Variants in DGKB observed in about 807,000 individuals in gnomAD.
The protein encoded by DGKB is diacylglycerol kinase beta, also known as 90 kDa diacylglycerol kinase.
DGKB carries 67 observed loss-of-function variants against 114.3 expected under a neutral mutation model. The observed-to-expected ratio is 0.59, with a 90% CI of 0.48 to 0.72. The LOEUF is 0.72. DGKB is among the 30% of genes least tolerant of loss of function. DGKB has a pLI of 0.00. For synonymous variants in DGKB, 398 were observed against 323.1 expected, an observed-to-expected ratio of 1.23 and a Z score of -2.49; for missense variants, 907 against 975.2, an observed-to-expected ratio of 0.93 and a Z score of 0.93.
intron 25 of DGKB, among the ~76,000 whole-genome samples, chr7:14,174,084 C>G (rs149972171): frequency 2.0e-4 from 30 of 152,144 alleles, no homozygotes; most frequent in Admixed American, 5.9e-4. Flanking sequence ...GCTGGAGAAG[C>G]TTGAAAGGTA....
At chr7:14,665,824 A>C (rs1817925624) in intron 13 of DGKB, among the ~76,000 whole-genome samples, 1 of 152,182 alleles carries the variant, frequency 6.6e-6, no homozygotes, top group Admixed American at 6.6e-5. Flanking sequence ...GAATGAATGT[A>C]AAACTAAAAT....
At chr7:14,972,665 A>G (rs1787542637) in intron 1 of DGKB, among the ~76,000 whole-genome samples, 1 of 109,102 alleles carries the variant, frequency 9.2e-6, no homozygotes, top group African/African-American at 5.1e-5. Flanking sequence ...CCTCTCAAAG[A>G]TTGTTGAAAA....
intron 23 of DGKB, among the ~76,000 whole-genome samples, chr7:14,200,821 G>T (rs1785756044): frequency 6.6e-6 from 1 of 151,990 alleles, no homozygotes; most frequent in African/African-American, 2.4e-5. Context: ...GTTGGTGGTG[G>T]GGAGAGAGTT....
intron 13 of DGKB, among the ~76,000 whole-genome samples, chr7:14,652,169 CA>C (rs1814675420): frequency 7.0e-6 from 1 of 143,468 alleles, no homozygotes. Flanking sequence ...CATATGGAAC[CA>C]AAAAAGAGCC....
At chr7:14,685,774 C>T (rs549465250) in intron 9 of DGKB, among the ~76,000 whole-genome samples, 20 of 152,206 alleles carry the variant, frequency 1.3e-4, no homozygotes, top group Non-Finnish European at 2.1e-4. Context: ...CCTGCAAAGA[C>T]GTCATTAACC....
intron 20 of DGKB, among the ~76,000 whole-genome samples, chr7:14,500,372 T>A (rs1488474031): frequency 2.6e-5 from 4 of 151,764 alleles, no homozygotes; most frequent in African/African-American, 9.7e-5. Flanking sequence ...AAAATAGGTA[T>A]TTTTTATTAT....
intron 23 of DGKB, among the ~76,000 whole-genome samples, chr7:14,295,709 AATTATT>A (rs1802424024): frequency 6.6e-6 from 1 of 152,050 alleles, no homozygotes; most frequent in Non-Finnish European, 1.5e-5. Context: ...CTTTTTAAAA[AATTATT>A]ATTATTATGT....
chr7:14,742,201 T>C (rs1405267493), intron 4 of DGKB, among the ~76,000 whole-genome samples: 1 of 152,220 alleles, frequency 6.6e-6, no homozygotes, highest in African/African-American at 2.4e-5. Flanking sequence ...TGTATCTGCT[T>C]ATTAGGTACT....
At chr7:14,523,605 T>A (rs570302304) in intron 20 of DGKB, among the ~76,000 whole-genome samples, 1 of 152,272 alleles carries the variant, frequency 6.6e-6, no homozygotes, top group South Asian at 2.1e-4. Context: ...ATAATCTGAA[T>A]AATATCAATA....
intron 21 of DGKB, among the ~76,000 whole-genome samples, chr7:14,384,041 C>T (rs144601424): frequency 4.3e-4 from 66 of 152,220 alleles, no homozygotes; most frequent in East Asian, 1.9e-4. Context: ...AGGTATGTAC[C>T]GCCTAGCATT....
chr7:14,365,855 T>A (rs77727406), intron 21 of DGKB, among the ~76,000 whole-genome samples: 4,371 of 152,210 alleles, frequency 0.029, 85 homozygotes, highest in South Asian at 0.11. Context: ...ATAAATTGTA[T>A]TAGGTAAATA....
chr7:14,800,734 C>G (rs1842042995), intron 2 of DGKB, among the ~76,000 whole-genome samples: 1 of 152,154 alleles, frequency 6.6e-6, no homozygotes, highest in African/African-American at 2.4e-5. Context: ...TTAAGACTGC[C>G]AGGCCACTTG....
intron 21 of DGKB, among the ~76,000 whole-genome samples, chr7:14,365,130 G>A (rs568130349): frequency 6.6e-5 from 10 of 150,614 alleles, no homozygotes; most frequent in East Asian, 3.9e-4. Flanking sequence ...AATTTTTATC[G>A]CCTCCACAGT....
rs113163104 is a variant in DGKB at position 14,461,850 on chromosome 7, T to A, written c.1835+16311A>T. Among the ~76,000 whole-genome samples the A allele has an allele frequency of 9.3e-3, 1,407 of 152,002 alleles. 24 individuals carry two copies. The highest frequency in any genetic ancestry group is 0.032 in the African/African-American group (1,347 of 41,452). On this transcript the variant is annotated intron_variant, in intron 21 of 25. Transcript: ENST00000402815. ...TCCCTGATGAACACTGATGAAAAAA[T>A]CCTCAGTAAAATACTGGCAAAGCAA...
At chr7:14,697,137 G>A (rs1013717322) in intron 8 of DGKB, among the ~76,000 whole-genome samples, 4 of 152,032 alleles carry the variant, frequency 2.6e-5, no homozygotes, top group African/African-American at 9.7e-5. Flanking sequence ...ATTTTAATAT[G>A]TATTTTAATA....
chr7:14,929,858 T>C (rs1348764452), intron 1 of DGKB, among the ~76,000 whole-genome samples: 1 of 152,212 alleles, frequency 6.6e-6, no homozygotes, highest in South Asian at 2.1e-4. Context: ...GTTTATGGTC[T>C]TACGTTTAAG....
chr7:14,368,750 A>G (rs1817130157), intron 21 of DGKB, among the ~76,000 whole-genome samples: 1 of 152,134 alleles, frequency 6.6e-6, no homozygotes, highest in Non-Finnish European at 1.5e-5. Context: ...GTTTTTACTC[A>G]ATGAGATGCA....
At chr7:14,447,938 C>T (rs117249646) in intron 21 of DGKB, among the ~76,000 whole-genome samples, 2,161 of 152,184 alleles carry the variant, frequency 0.014, 57 homozygotes, top group African/African-American at 0.047. Context: ...TAAAAACTCA[C>T]AGAGTGACAT....
intron 20 of DGKB, among the ~76,000 whole-genome samples, chr7:14,479,691 T>C (rs1349198719): frequency 6.6e-6 from 1 of 152,122 alleles, no homozygotes; most frequent in Non-Finnish European, 1.5e-5. Context: ...TATTAAGTCA[T>C]AAACATATTA....
Sources: gnomAD v4.1 joint callset for allele counts (sites outside exome capture counted in the v4.1 genomes callset) on GRCh38, gnomAD v4.1.1 for gene constraint, MANE v1.5 for transcripts, NCBI Gene and HGNC (gene_info 2026-07-23, HGNC 2026-07-21) for gene names.